The following CAMSAP2 variants were observed in gnomAD, a reference collection of about 807,000 sequenced individuals.
CAMSAP2 encodes the protein calmodulin-regulated spectrin-associated protein 2.
A neutral mutation model predicts 146.1 loss-of-function variants in CAMSAP2; 26 were observed. That is an observed-to-expected ratio of 0.18 (90% CI 0.13 to 0.25). CAMSAP2 has a LOEUF of 0.25. Among genes scored for constraint, CAMSAP2 ranks in the 10% least tolerant of loss-of-function variants. The probability of loss-of-function intolerance (pLI) is 1.00; values close to 1 mark genes in which losing one functional copy is unlikely to be tolerated. For missense variants in CAMSAP2, 1,381 were observed against 1,759.3 expected (o/e 0.78, Z 3.85); for synonymous variants, 499 against 596.6 (o/e 0.84, Z 2.38).
intron 2 of CAMSAP2, among the ~76,000 whole-genome samples, chr1:200,773,109 A>G (rs909176044): frequency 6.6e-6 from 1 of 152,206 alleles, no homozygotes; most frequent in Non-Finnish European, 1.5e-5. Context: ...TTGTAATCTT[A>G]TGTACATAAG....
chr1:200,788,503 T>C (rs761932156), intron 2 of CAMSAP2, among the ~76,000 whole-genome samples: 6 of 152,202 alleles, frequency 3.9e-5, no homozygotes, highest in Non-Finnish European at 8.8e-5. Flanking sequence ...CCACTAGCAG[T>C]GAATGAAAGT....
At chr1:200,762,181 AG>A (rs1393315900) in intron 2 of CAMSAP2, among the ~76,000 whole-genome samples, 1 of 152,242 alleles carries the variant, frequency 6.6e-6, no homozygotes, top group African/African-American at 2.4e-5. Context: ...TTACTAAATG[AG>A]GTGATGACCT....
chr1:200,813,460 A>G (rs888062488), intron 3 of CAMSAP2, among the ~76,000 whole-genome samples: 10 of 152,338 alleles, frequency 6.6e-5, no homozygotes, highest in African/African-American at 2.2e-4. Context: ...TAATGTATTT[A>G]TAGCATTTAC....
Position 200,848,466 on chromosome 1 carries a change from A to G in CAMSAP2, c.1697A>G (p.Asn566Ser). Residue 566 changes from asparagine to serine, a missense_variant, in exon 11 of 17, where the codon AAT becomes AGT. This residue lies in a region of CAMSAP2 where 447 missense variants were observed against 462.2 expected (regional missense o/e 0.97). Transcript: ENST00000358823. ...ACACCTCAGCCAGACCAAATTGCTA[A>G]TGGCTTCTTTCTTCATAGTCAAGAA... ...PHTPQPDQIANGFFLHSQEMS... is the reference protein window; with the variant it reads ...PHTPQPDQIASGFFLHSQEMS... 1 of 1,613,352 alleles carries G rather than the reference A, an allele frequency of 6.2e-7. No homozygotes were observed. Among genetic ancestry groups the G allele is most frequent in the Non-Finnish European group, 8.5e-7 (1 of 1,179,634 alleles).
At chr1:200,746,995 A>C (rs1664351621) in intron 1 of CAMSAP2, among the ~76,000 whole-genome samples, 2 of 151,508 alleles carry the variant, frequency 1.3e-5, no homozygotes, top group African/African-American at 4.9e-5. Flanking sequence ...TGCAGCTTCA[A>C]ATTTCTGGGC....
In CAMSAP2 at chr1:200,853,004, C is replaced by T. The variant is rs1220377013; in HGVS notation, c.3603-271C>T. ...TAAAATAACTTTCCTGGGAGATACA[C>T]ACACACACACACACACACACACACA... On this transcript the variant is annotated intron_variant, in intron 12 of 16. Transcript: ENST00000358823. This position sits in a 1 kb window ranked among gnomAD's most constrained non-coding sequence, Gnocchi z 5.1. Among the ~76,000 whole-genome samples, 36 of 50,922 alleles carry T rather than the reference C, an allele frequency of 7.1e-4. No homozygotes were observed. In the East Asian group the frequency reaches 0.015, roughly 21 times the overall value. The allele number at this position is 50,922 out of a possible 152,430, so 33.4% of individuals were successfully genotyped here. A position where few individuals can be genotyped will look rare whatever the true frequency, so the allele number is the denominator to read the frequency against.
intron 6 of CAMSAP2, among the ~76,000 whole-genome samples, chr1:200,835,433 A>G (rs1008082481): frequency 2.6e-5 from 4 of 152,314 alleles, no homozygotes; most frequent in African/African-American, 9.6e-5. Context: ...GGATTTGGTC[A>G]TTTATTCATT....
At chr1:200,763,660 A>G (rs990914012) in intron 2 of CAMSAP2, among the ~76,000 whole-genome samples, 9 of 152,192 alleles carry the variant, frequency 5.9e-5, no homozygotes, top group African/African-American at 2.2e-4. Context: ...CTTTTATCAC[A>G]ATTTGATTTA....
At position 200,858,030 on chromosome 1, in the gene CAMSAP2, C is replaced by T; in HGVS notation, c.4408C>T (p.Pro1470Ser). The part of the protein sequence containing the change: ...HLWQTKRPVT[P>S]KKLLPTKA ...ATGGCAGACCAAAAGACCAGTAACA[C>T]CCAAAAAACTTTTACCCACTAAGGC... The change falls in exon 17 of 17, where the codon CCC becomes TCC. Residue 1470 changes from proline (P) to serine (S), a missense_variant. Pro to Ser is a moderately conservative substitution (Grantham distance 74). Around this residue, in one of 4 missense-constraint regions of CAMSAP2, gnomAD observed 90 missense variants for 174.4 expected, o/e 0.52. Coordinates refer to ENST00000358823, the MANE Select transcript of CAMSAP2 (RefSeq NM_203459.4). 1.3e-6 allele frequency: 2 copies of T among 1,595,346 alleles called. No homozygotes were observed. The highest frequency in any genetic ancestry group is 1.7e-6 in the Non-Finnish European group (2 of 1,173,042).
rs988449523 is a variant in CAMSAP2 at position 200,832,923 on chromosome 1, C to A, written c.927+78C>A. Reference sequence around the variant, plus strand: ...AAAAAACAAACAAAAACACCGGGAACAGTGGCTCATGCCTGTAATCCCAGT... The same window carrying A: ...AAAAAACAAACAAAAACACCGGGAAAAGTGGCTCATGCCTGTAATCCCAGT... On this transcript the variant is annotated intron_variant, in intron 6 of 16. Transcript: ENST00000358823. This position sits in a 1 kb window ranked among gnomAD's most constrained non-coding sequence, Gnocchi z 4.2. The A allele has an allele frequency of 7.8e-7, 1 of 1,289,558 alleles. No homozygotes were observed. Among genetic ancestry groups the A allele is most frequent in the Non-Finnish European group, 1.1e-6 (1 of 950,622 alleles). 79.9% of individuals were successfully genotyped at this position (1,289,558 alleles called of 1,614,324 possible). A position where few individuals can be genotyped will look rare whatever the true frequency, so the allele number is the denominator to read the frequency against.
At chr1:200,798,205 A>C (rs1334551989) in intron 2 of CAMSAP2, among the ~76,000 whole-genome samples, 1 of 150,104 alleles carries the variant, frequency 6.7e-6, no homozygotes. Context: ...TCTGTGAAGA[A>C]AGTCATTGGT....
At chr1:200,759,801 T>C (rs1558164215) in intron 1 of CAMSAP2, among the ~76,000 whole-genome samples, 1 of 152,150 alleles carries the variant, frequency 6.6e-6, no homozygotes, top group Non-Finnish European at 1.5e-5. Context: ...GCCCTACCTC[T>C]GGGGGACATA....
At chr1:200,768,937 G>A (rs1665036432) in intron 2 of CAMSAP2, among the ~76,000 whole-genome samples, 1 of 152,176 alleles carries the variant, frequency 6.6e-6, no homozygotes, top group South Asian at 2.1e-4. Flanking sequence ...ACAGGCATGA[G>A]CCACTGTGCC....
chr1:200,793,702 C>CT (rs140048076), intron 2 of CAMSAP2, among the ~76,000 whole-genome samples: 15,517 of 148,090 alleles, frequency 0.1, 865 homozygotes, highest in Middle Eastern at 0.14. Context: ...ATTCTTAAGG[C>CT]TTTTTTTTTT....
chr1:200,743,465 A>C lies in CAMSAP2; in HGVS notation c.139+3499A>C, dbSNP rs186925435. Among the ~76,000 whole-genome samples the C allele has an allele frequency of 3.3e-5, 5 of 152,242 alleles. No homozygotes were observed. The East Asian group carries it at 9.6e-4, about 29-fold the overall frequency. On this transcript the variant is annotated intron_variant, in intron 1 of 16. Coordinates refer to ENST00000358823, the MANE Select transcript of CAMSAP2 (RefSeq NM_203459.4). The stretch of plus-strand genomic sequence containing the variant: ...ATGAAGATAGTTGAGAGCAGTGGGT[A>C]GCATTGTGGTTAAGAGAGACCCGTA...
chr1:200,851,925 T>C (rs545110638), intron 11 of CAMSAP2, among the ~76,000 whole-genome samples: 3 of 152,208 alleles, frequency 2.0e-5, no homozygotes, highest in Non-Finnish European at 2.9e-5. Context: ...AGGATTCAGG[T>C]AGAAACTAGG....
intron 11 of CAMSAP2, among the ~76,000 whole-genome samples, chr1:200,852,013 A>T (rs1667631944): frequency 6.6e-6 from 1 of 152,180 alleles, no homozygotes; most frequent in Non-Finnish European, 1.5e-5. Context: ...AATCATCCCC[A>T]TCTTTTCTTC....
chr1:200,740,121 A>G (rs975398731), intron 1 of CAMSAP2, among the ~76,000 whole-genome samples, 155 bp downstream of exon 1: 1 of 152,196 alleles, frequency 6.6e-6, no homozygotes, highest in Non-Finnish European at 1.5e-5. Flanking sequence ...GAAAGGAGAA[A>G]TAAGGAAAGC....
chr1:200,760,061 A>T (rs1057511014), intron 1 of CAMSAP2, among the ~76,000 whole-genome samples: 1 of 152,166 alleles, frequency 6.6e-6, no homozygotes, highest in Non-Finnish European at 1.5e-5. Context: ...CTTAAAGGGT[A>T]GTGGCTAGCA....
Sources: allele counts gnomAD v4.1 joint callset (sites outside exome capture counted in the v4.1 genomes callset), GRCh38; gene constraint gnomAD v4.1.1; regional missense constraint gnomAD v4.1.1; non-coding constraint Gnocchi (gnomAD v3.1); transcripts MANE v1.5; gene names NCBI Gene and HGNC (gene_info 2026-07-23, HGNC 2026-07-21).